The following CRACDL variants were observed in gnomAD, a reference collection of about 807,000 sequenced individuals.
CRACDL encodes CRACD like.
Under a neutral mutation model 70.6 loss-of-function variants are expected in CRACDL, and 26 were observed. The ratio of observed to expected loss-of-function variants is 0.37; its 90% CI spans 0.27 to 0.51. CRACDL has a LOEUF of 0.51. CRACDL is among the 20% of genes least tolerant of loss of function. The pLI is 0.94. For synonymous variants in CRACDL, 618 were observed against 615.2 expected (o/e 1.00, Z -0.07); for missense variants, 1,283 against 1,376.9 (o/e 0.93, Z 1.08).
chr2:98,802,998 CTTTTTTT>C (rs34784675), intron 7 of CRACDL, among the ~76,000 whole-genome samples: 46 of 128,240 alleles, frequency 3.6e-4, no homozygotes, highest in Admixed American at 1.1e-3. Flanking sequence ...ACATGCCTGG[CTTTTTTT>C]TTTTTTTTTT....
intron 1 of CRACDL, among the ~76,000 whole-genome samples, chr2:98,911,233 G>C (rs1466767205): frequency 6.6e-6 from 1 of 152,182 alleles, no homozygotes; most frequent in African/African-American, 2.4e-5. Context: ...ATAGTGGACG[G>C]GGGCTCAAGC....
chr2:98,928,370 C>T (rs932190258), intron 1 of CRACDL, among the ~76,000 whole-genome samples: 4 of 152,212 alleles, frequency 2.6e-5, no homozygotes, highest in African/African-American at 9.7e-5. Flanking sequence ...GTTCCGCCCC[C>T]AGGCTTGATG....
At chr2:98,891,304 G>C (rs1016099927) in intron 1 of CRACDL, among the ~76,000 whole-genome samples, 1 of 144,082 alleles carries the variant, frequency 6.9e-6, no homozygotes, top group Non-Finnish European at 1.5e-5. Context: ...TTGAATGTCG[G>C]AGGCAGAGGC....
intron 1 of CRACDL, among the ~76,000 whole-genome samples, chr2:98,926,610 C>T (rs1038547629): frequency 3.9e-5 from 6 of 152,212 alleles, no homozygotes; most frequent in African/African-American, 1.4e-4. Flanking sequence ...CAGCAATGTT[C>T]TCGCTGAACA....
Position 98,796,209 on chromosome 2 carries a change from A to G in CRACDL, c.2660T>C (p.Val887Ala), listed in dbSNP as rs199693069. The G allele has an allele frequency of 1.5e-5, 25 of 1,614,096 alleles. No individual in the cohort carries two copies. The highest frequency in any genetic ancestry group is 3.3e-5 in the Admixed American group (2 of 60,010). The stretch of plus-strand genomic sequence containing the variant: ...CTGCTTCCGGTCCACAGCGGGCTTC[A>G]CAGGGGTTATCAGGAAAGACTTGCT... ...VRSKSFLITPVKPAVDRKQGA... is the reference protein window; with the variant it reads ...VRSKSFLITPAKPAVDRKQGA... Residue 887 changes from valine (V) to alanine (A), a missense_variant, in exon 9 of 10, where the codon GTG (valine) becomes GCG (alanine). Val to Ala is a moderately conservative substitution (Grantham distance 64). Around this residue, in one of 2 missense-constraint regions of CRACDL, gnomAD observed 921 missense variants for 881.9 expected, o/e 1.04. Transcript: ENST00000397899.
intron 1 of CRACDL, among the ~76,000 whole-genome samples, chr2:98,854,057 G>A (rs1486414604): frequency 6.6e-6 from 1 of 152,150 alleles, no homozygotes; most frequent in South Asian, 2.1e-4. Context: ...GCCGAGGTGG[G>A]TGGATCACGA....
chr2:98,886,561 G>C (rs1283755731), intron 1 of CRACDL, among the ~76,000 whole-genome samples: 1 of 152,198 alleles, frequency 6.6e-6, no homozygotes, highest in Non-Finnish European at 1.5e-5. Context: ...TCAACTGCCT[G>C]GTTGAGTGTT....
chr2:98,827,205 A>G (rs1233587226), intron 5 of CRACDL, 36 bp from the exon 6 acceptor site: 1 of 1,483,088 alleles, frequency 6.7e-7, no homozygotes, highest in East Asian at 2.3e-5. Flanking sequence ...CGGAGCATGA[A>G]CTTCACCGTG....
chr2:98,901,913 G>C (rs536161764), intron 1 of CRACDL, among the ~76,000 whole-genome samples: 1 of 152,094 alleles, frequency 6.6e-6, no homozygotes, highest in Non-Finnish European at 1.5e-5. Flanking sequence ...CTCGCGAGCC[G>C]GGCGAAGCAG....
intron 7 of CRACDL, among the ~76,000 whole-genome samples, chr2:98,807,967 A>G (rs1477770262): frequency 6.6e-6 from 1 of 152,180 alleles, no homozygotes; most frequent in African/African-American, 2.4e-5. Flanking sequence ...GCCCAGTAAA[A>G]CTTTGTATAA....
intron 6 of CRACDL, among the ~76,000 whole-genome samples, chr2:98,825,306 G>A (rs1705256395): frequency 6.6e-6 from 1 of 152,224 alleles, no homozygotes; most frequent in Admixed American, 6.5e-5. Flanking sequence ...GACCATGGAT[G>A]TGACAGAGTT....
Position 98,822,510 on chromosome 2 carries a change from G to C in CRACDL, c.1763C>G (p.Ser588Cys), listed in dbSNP as rs935545816. The change falls in exon 7 of 10, where the codon TCC becomes TGC. Residue 588 changes from serine to cysteine, a missense_variant. Ser to Cys is a moderately radical substitution (Grantham distance 112). Around this residue, in one of 2 missense-constraint regions of CRACDL, gnomAD observed 921 missense variants for 881.9 expected, o/e 1.04. Transcript: ENST00000397899. This position sits in a 1 kb window ranked among gnomAD's most constrained non-coding sequence, Gnocchi z 4.9. ...GCCGCTGGCCCGTTCCAGCGGGCGG[G>C]AGACGCCCGGACGAGGCCGCGCTCG... ...SCRARPRPGV[S>C]RPLERASGRL... 3 of 1,458,746 alleles carry C rather than the reference G, an allele frequency of 2.1e-6. No individual in the cohort carries two copies. Among genetic ancestry groups the C allele is most frequent in the Non-Finnish European group, 2.7e-6 (3 of 1,114,308 alleles). The allele number at this position is 1,458,746 out of a possible 1,614,324, so 90.4% of individuals were successfully genotyped here. A position where few individuals can be genotyped will look rare whatever the true frequency, so the allele number is the denominator to read the frequency against.
chr2:98,838,393 T>C lies in CRACDL; in HGVS notation c.71-106A>G, dbSNP rs1705887073. The C allele has an allele frequency of 1.1e-5, 7 of 626,114 alleles. No homozygotes were observed. In the Admixed American group the frequency reaches 2.3e-4, roughly 21 times the overall value. 38.8% of individuals were successfully genotyped at this position (626,114 alleles called of 1,614,324 possible). A position where few individuals can be genotyped will look rare whatever the true frequency, so the allele number is the denominator to read the frequency against. On this transcript the variant is annotated intron_variant, in intron 2 of 9. Transcript: ENST00000397899. ...AGAGAGAAAGCAAGATTTCCATCCA[T>C]GCATCAGTTATCTGCTTCTGAAAAG... is the stretch of plus-strand genomic sequence containing the variant.
At chr2:98,836,183 CACAG>C (rs955437292) in intron 3 of CRACDL, among the ~76,000 whole-genome samples, 4 of 152,188 alleles carry the variant, frequency 2.6e-5, no homozygotes, top group African/African-American at 9.7e-5. Context: ...AGCACAACCG[CACAG>C]ACACAGACAC....
chr2:98,809,338 C>A (rs1490184159), intron 7 of CRACDL, among the ~76,000 whole-genome samples: 1 of 151,916 alleles, frequency 6.6e-6, no homozygotes, highest in African/African-American at 2.4e-5. Context: ...TGGTTGTGAC[C>A]GCTTCTCATT....
intron 1 of CRACDL, among the ~76,000 whole-genome samples, chr2:98,877,122 C>A (rs1165706470): frequency 2.6e-5 from 4 of 152,232 alleles, no homozygotes; most frequent in Non-Finnish European, 5.9e-5. Flanking sequence ...GCCAGTGGCT[C>A]AGGGCAGCAC....
chr2:98,921,188 G>A (rs562268494), intron 1 of CRACDL, among the ~76,000 whole-genome samples: 111 of 152,130 alleles, frequency 7.3e-4, no homozygotes, highest in Non-Finnish European at 1.4e-3. Context: ...CTCAGGCAAA[G>A]GCTAAGTTCT....
chr2:98,841,820 T>C (rs375572702), intron 2 of CRACDL, among the ~76,000 whole-genome samples: 1 of 152,224 alleles, frequency 6.6e-6, no homozygotes, highest in Non-Finnish European at 1.5e-5. Context: ...AAAACAGCAA[T>C]TACTTTTGTA....
rs200482472 is a variant in CRACDL at position 98,928,187 on chromosome 2, AT to A, written c.-11+7750del. On this transcript the variant is annotated intron_variant, in intron 1 of 9. Transcript: ENST00000397899. ...GAGACAAAGCAAGACTCTCAAAAAA[AT>A]AAATAAATAAATAAAAATAAAAAAA... 7.0e-3 allele frequency among the ~76,000 whole-genome samples: 1,058 copies of A among 152,084 alleles called. 12 individuals carry two copies. Among genetic ancestry groups the A allele is most frequent in the African/African-American group, 0.024 (1,004 of 41,394 alleles).
Sources: gnomAD v4.1 joint callset for allele counts (sites outside exome capture counted in the v4.1 genomes callset) on GRCh38, gnomAD v4.1.1 for gene constraint, gnomAD v4.1.1 regional missense constraint, Gnocchi (gnomAD v3.1) non-coding constraint, MANE v1.5 for transcripts, NCBI Gene and HGNC (gene_info 2026-07-23, HGNC 2026-07-21) for gene names.